The following PGM5 variants were observed in gnomAD, a reference collection of about 807,000 sequenced individuals.
PGM5 encodes the protein phosphoglucomutase-like protein 5.
PGM5 carries 23 observed loss-of-function variants against 59.2 expected under a neutral mutation model. The ratio of observed to expected loss-of-function variants is 0.39; its 90% CI spans 0.28 to 0.55. PGM5 has a LOEUF of 0.55. Among genes scored for constraint, PGM5 ranks in the 20% least tolerant of loss-of-function variants. The pLI is 0.66. For missense variants in PGM5, 574 were observed against 748.3 expected (o/e 0.77, Z 2.72); for synonymous variants, 214 against 286.0 (o/e 0.75, Z 2.54).
At chr9:68,402,691 A>G (rs1344869628) in intron 6 of PGM5, among the ~76,000 whole-genome samples, 10 of 152,316 alleles carry the variant, frequency 6.6e-5, no homozygotes, top group Non-Finnish European at 1.5e-4. Context: ...ACTCTCAATC[A>G]TATGCTTTGT....
chr9:68,389,359 C>T (rs1822308825), intron 4 of PGM5, among the ~76,000 whole-genome samples: 1 of 152,078 alleles, frequency 6.6e-6, no homozygotes, highest in Non-Finnish European at 1.5e-5. Flanking sequence ...CTGAATATTT[C>T]CATCACCCCA....
chr9:68,512,409 A>C (rs1459173536), intron 10 of PGM5, among the ~76,000 whole-genome samples: 1 of 152,202 alleles, frequency 6.6e-6, no homozygotes, highest in African/African-American at 2.4e-5. Flanking sequence ...AAGTACCACA[A>C]ACTGGGTGGC....
At chr9:68,456,562 G>A (rs545150312) in intron 6 of PGM5, among the ~76,000 whole-genome samples, 52 of 147,398 alleles carry the variant, frequency 3.5e-4, no homozygotes, top group African/African-American at 1.2e-3. Flanking sequence ...GTCATGAGCC[G>A]CCCGCCTTGG....
chr9:68,435,115 TAGAG>T (rs748600188), intron 6 of PGM5, among the ~76,000 whole-genome samples: 26 of 152,178 alleles, frequency 1.7e-4, no homozygotes, highest in Admixed American at 1.5e-3. Flanking sequence ...GCCACCCACT[TAGAG>T]AGGCCTCCCT....
chr9:68,357,266 A>G lies in PGM5; in HGVS notation c.139A>G (p.Ser47Gly), dbSNP rs1284612600. Residue 47 changes from serine to glycine, a missense_variant, in exon 1 of 11, where the codon AGC becomes GGC. Physicochemically the swap from Ser to Gly is moderately conservative, Grantham distance 56. Around this residue, in one of 7 missense-constraint regions of PGM5, gnomAD observed 60 missense variants for 71.0 expected, o/e 0.85. Coordinates refer to ENST00000396396, the MANE Select transcript of PGM5 (RefSeq NM_021965.4). ...CAACTACCTGCCCAACTTTATCCAG[A>G]GCGTGCTGTCGTCCATCGACCTGCG... ...QRNYLPNFIQ[S>G]VLSSIDLRDR... is the part of the protein sequence containing the mutation. 2 of 1,544,128 alleles carry G rather than the reference A, an allele frequency of 1.3e-6. No homozygotes were observed. Among genetic ancestry groups the G allele is most frequent in the African/African-American group, 2.7e-5 (2 of 72,898 alleles).
intron 6 of PGM5, among the ~76,000 whole-genome samples, chr9:68,427,801 T>A (rs1823263207): frequency 6.6e-6 from 1 of 152,150 alleles, no homozygotes; most frequent in Non-Finnish European, 1.5e-5. Context: ...ATCCTAGGTT[T>A]TCCATGATGC....
chr9:68,381,323 AT>A (rs1822066625), intron 2 of PGM5, among the ~76,000 whole-genome samples: 1 of 68,824 alleles, frequency 1.5e-5, no homozygotes, highest in Admixed American at 1.7e-4. Context: ...AAAGTTCAGC[AT>A]TCTTTCTTAA....
intron 1 of PGM5, among the ~76,000 whole-genome samples, chr9:68,376,481 G>C (rs1297085657): frequency 1.9e-5 from 2 of 102,952 alleles, no homozygotes; most frequent in African/African-American, 7.7e-5. Context: ...TGAGCTGTGT[G>C]TGTGTGTGTG....
At chr9:68,507,897 A>C (rs1554689106) in intron 10 of PGM5, among the ~76,000 whole-genome samples, 1 of 152,078 alleles carries the variant, frequency 6.6e-6, no homozygotes, top group African/African-American at 2.4e-5. Flanking sequence ...ACTCCTTGGG[A>C]GGGTTGGTCA....
chr9:68,494,680 GA>G lies in PGM5; in HGVS notation c.1480-4546del, dbSNP rs565298328. Among the ~76,000 whole-genome samples, 1,377 of 152,264 alleles carry G rather than the reference GA, an allele frequency of 9.0e-3. 10 individuals are homozygous for G. The highest frequency in any genetic ancestry group is 0.015 in the Non-Finnish European group (1,011 of 68,020). ...GTTTGCCTAAGGTCATACATCTGGG[GA>G]CAAGAACCTACCATGGTTCAACTCC... On this transcript the variant is annotated intron_variant, in intron 9 of 10. Transcript: ENST00000396396.
chr9:68,480,362 A>G (rs1824176893), intron 8 of PGM5, among the ~76,000 whole-genome samples: 2 of 152,194 alleles, frequency 1.3e-5, no homozygotes. Context: ...CCCTTGAAGG[A>G]ACCTCATGGT....
In PGM5 at chr9:68,437,763, A is replaced by G. The variant is rs10868817; in HGVS notation, c.1044-27330A>G. 0.12 allele frequency among the ~76,000 whole-genome samples: 18,497 copies of G among 152,188 alleles called. 1,601 individuals carry two copies. The highest frequency in any genetic ancestry group is 0.25 in the African/African-American group (10,315 of 41,482). On this transcript the variant is annotated intron_variant, in intron 6 of 10. Transcript: ENST00000396396. This position sits in a 1 kb window ranked among gnomAD's most constrained non-coding sequence, Gnocchi z 4.1. ...TTTAAAAATGGGGATATTTCATATA[A>G]AAATCCAAGTTGTTGTGGTATTATT...
rs181562341 is a variant in PGM5, at chr9:68,504,806, C to T, written c.1614+5445C>T. On this transcript the variant is annotated intron_variant, in intron 10 of 10. Transcript: ENST00000396396. The stretch of plus-strand genomic sequence containing the variant: ...TTGTCAGATTATTTCCCTGTATCCC[C>T]AGTGCACCTGGTACATGGTAAATGC... Among the ~76,000 whole-genome samples the T allele has an allele frequency of 3.5e-3, 531 of 152,286 alleles. 2 individuals are homozygous for T. Among genetic ancestry groups the T allele is most frequent in the Non-Finnish European group, 5.9e-3 (398 of 68,026 alleles).
intron 7 of PGM5, among the ~76,000 whole-genome samples, chr9:68,470,985 C>T (rs1824010638): frequency 6.6e-6 from 1 of 152,162 alleles, no homozygotes; most frequent in Admixed American, 6.5e-5. Context: ...ACCCCTGTGC[C>T]GGGAAACAGA....
At chr9:68,386,742 T>C (rs2132004336) in intron 3 of PGM5, among the ~76,000 whole-genome samples, 1 of 152,214 alleles carries the variant, frequency 6.6e-6, no homozygotes, top group Middle Eastern at 3.4e-3. Flanking sequence ...GCATTAATTA[T>C]ACACTGATTG....
At chr9:68,430,927 A>C (rs1554682962) in intron 6 of PGM5, among the ~76,000 whole-genome samples, 1 of 152,200 alleles carries the variant, frequency 6.6e-6, no homozygotes, top group African/African-American at 2.4e-5. Flanking sequence ...TTTCTCAATA[A>C]ATAGTCCTTA....
intron 6 of PGM5, among the ~76,000 whole-genome samples, chr9:68,415,120 T>C (rs1554681879): frequency 6.7e-6 from 1 of 149,474 alleles, no homozygotes. Context: ...CTTTTCCACA[T>C]TCCATGCAAA....
At chr9:68,440,366 G>A (rs534365048) in intron 6 of PGM5, among the ~76,000 whole-genome samples, 2 of 152,068 alleles carry the variant, frequency 1.3e-5, no homozygotes, top group East Asian at 3.9e-4. Context: ...GTAAAAGAAC[G>A]GAAACCATGC....
chr9:68,512,488 G>T (rs782429949), intron 10 of PGM5, among the ~76,000 whole-genome samples: 40 of 152,288 alleles, frequency 2.6e-4, no homozygotes, highest in Non-Finnish European at 5.3e-4. Context: ...GACAGAGCTG[G>T]TTCCCTCTGA....
Sources: allele counts gnomAD v4.1 joint callset (sites outside exome capture counted in the v4.1 genomes callset), GRCh38; gene constraint gnomAD v4.1.1; regional missense constraint gnomAD v4.1.1; non-coding constraint Gnocchi (gnomAD v3.1); transcripts MANE v1.5; gene names NCBI Gene and HGNC (gene_info 2026-07-23, HGNC 2026-07-21).